REV1: variants seen among roughly 807,000 people sequenced by gnomAD.
REV1 encodes REV1 DNA directed polymerase.
In REV1, 42 loss-of-function variants were observed where a neutral mutation model predicts 137.4. The ratio of observed to expected loss-of-function variants is 0.31; its 90% CI spans 0.24 to 0.40. The LOEUF (loss-of-function observed/expected upper bound fraction) is 0.40. REV1 is among the 10% of genes least tolerant of loss of function. The probability of loss-of-function intolerance (pLI) is 1.00; values close to 1 mark genes in which losing one functional copy is unlikely to be tolerated. For synonymous variants in REV1, 524 were observed against 519.2 expected (o/e 1.01, Z -0.12); for missense variants, 1,282 against 1,490.1 (o/e 0.86, Z 2.30).
intron 6 of REV1, 107 bp from the exon 7 acceptor site, chr2:99,436,048 A>C: frequency 1.4e-6 from 1 of 698,910 alleles, no homozygotes; most frequent in Non-Finnish European, 2.5e-6. Flanking sequence ...TACACCCAGA[A>C]TGGAGTCTTT....
At chr2:99,404,349 A>C in intron 18 of REV1, 95 bp downstream of exon 18, 1 of 823,316 alleles carries the variant, frequency 1.2e-6, no homozygotes. Context: ...GTGGTGTCAG[A>C]TACAGAGGAG....
At chr2:99,416,853 C>T (rs1677931654) in intron 12 of REV1, among the ~76,000 whole-genome samples, 1 of 140,630 alleles carries the variant, frequency 7.1e-6, no homozygotes, top group African/African-American at 2.8e-5. Context: ...GCAGAGCTTG[C>T]AGTGAGCCGA....
chr2:99,417,514 C>T (rs1678064863), intron 12 of REV1, among the ~76,000 whole-genome samples: 1 of 152,148 alleles, frequency 6.6e-6, no homozygotes, highest in African/African-American at 2.4e-5. Context: ...TATTGATGAG[C>T]CTAATCCAAC....
chr2:99,413,830 A>G (rs1198870400), intron 12 of REV1, among the ~76,000 whole-genome samples: 2 of 152,218 alleles, frequency 1.3e-5, no homozygotes, highest in African/African-American at 2.4e-5. Flanking sequence ...TTTTCCATCA[A>G]TGAGGAAAAG....
intron 1 of REV1, among the ~76,000 whole-genome samples, chr2:99,469,933 A>G (rs1259411072): frequency 6.6e-6 from 1 of 152,076 alleles, no homozygotes; most frequent in African/African-American, 2.4e-5. Flanking sequence ...CATACTGGCT[A>G]AAACGGTGAA....
chr2:99,453,892 CAAAA>C (rs58291328), intron 3 of REV1, among the ~76,000 whole-genome samples: 3 of 48,032 alleles, frequency 6.2e-5, no homozygotes, highest in South Asian at 9.3e-4. Context: ...GGCTCTGTCT[CAAAA>C]AAAAAAAAAA....
intron 1 of REV1, among the ~76,000 whole-genome samples, chr2:99,474,355 A>G (rs753566466): frequency 6.6e-6 from 1 of 152,242 alleles, no homozygotes; most frequent in Non-Finnish European, 1.5e-5. Context: ...GTACAAAATC[A>G]TACTCATCTT....
intron 3 of REV1, among the ~76,000 whole-genome samples, chr2:99,450,114 TA>T (rs1682751363): frequency 6.6e-6 from 1 of 152,216 alleles, no homozygotes; most frequent in South Asian, 2.1e-4. Flanking sequence ...GGCCAAAAAA[TA>T]AAGTCCAGCA....
chr2:99,406,004 T>C lies in REV1; in HGVS notation c.2717A>G (p.Lys906Arg), dbSNP rs771049133. The C allele has an allele frequency of 6.2e-7, 1 of 1,614,106 alleles. No individual in the cohort carries two copies. The highest frequency in any genetic ancestry group is 2.2e-5 in the East Asian group (1 of 44,876). Reference protein sequence around the residue: ...AHLPTSPDTNKAESSGKWNGL... With the variant: ...AHLPTSPDTNRAESSGKWNGL... ...ATTCCATTTCCCTGAAGACTCAGCC[T>C]TGTTAGTATCAGGACTGGTCGGCAG... Residue 906 changes from lysine to arginine, a missense_variant, in exon 17 of 23, where the codon AAG (lysine) becomes AGG (arginine). By Grantham distance (26) the Lys-to-Arg change is conservative. This residue lies in a region of REV1 where 135 missense variants were observed against 123.3 expected (regional missense o/e 1.10). Transcript: ENST00000258428.
intron 5 of REV1, 84 bp downstream of exon 5, chr2:99,442,233 C>G (rs1383529819): frequency 5.6e-6 from 7 of 1,243,658 alleles, no homozygotes; most frequent in Non-Finnish European, 7.3e-6. Context: ...GCCTCGGCAA[C>G]AAGAGCAAAA....
rs145742001 is a variant in REV1, at chr2:99,436,411, C to G, written c.1214-470G>C. ...AGGTAGGTAATCGTATCATCTCCAT[C>G]TTGTAGACTAAAAGTTTAAGTCACA... On this transcript the variant is annotated intron_variant, in intron 6 of 22. Coordinates refer to ENST00000258428, the MANE Select transcript of REV1 (RefSeq NM_016316.4). 6.5e-4 allele frequency among the ~76,000 whole-genome samples: 99 copies of G among 152,266 alleles called. 1 individual carries two copies. In the East Asian group the frequency reaches 8.1e-3, roughly 12 times the overall value.
intron 13 of REV1, 46 bp downstream of exon 13, chr2:99,412,685 A>C (rs1677344220): frequency 7.1e-7 from 1 of 1,415,790 alleles, no homozygotes; most frequent in African/African-American, 1.4e-5. Context: ...GACTATGTAA[A>C]AATATAAAGA....
intron 4 of REV1, among the ~76,000 whole-genome samples, chr2:99,448,755 A>G (rs1320619748): frequency 6.6e-6 from 1 of 152,200 alleles, no homozygotes; most frequent in Non-Finnish European, 1.5e-5. Flanking sequence ...CTAGTCTTTA[A>G]GAGGTGCACA....
intron 1 of REV1, among the ~76,000 whole-genome samples, chr2:99,479,624 T>C (rs1575247618): frequency 6.6e-6 from 1 of 151,176 alleles, no homozygotes; most frequent in Non-Finnish European, 1.5e-5. Flanking sequence ...ACCTCATCTC[T>C]ACAAAAAAAA....
intron 14 of REV1, among the ~76,000 whole-genome samples, chr2:99,408,923 T>G (rs763650834): frequency 6.6e-6 from 1 of 152,218 alleles, no homozygotes; most frequent in African/African-American, 2.4e-5. Context: ...GAAAAAATTA[T>G]TATAAATTGA....
chr2:99,437,776 A>G (rs1680947424), intron 6 of REV1, among the ~76,000 whole-genome samples: 1 of 152,198 alleles, frequency 6.6e-6, no homozygotes, highest in Non-Finnish European at 1.5e-5. Context: ...TCTAGTATCT[A>G]TATTATTCTG....
chr2:99,426,398 T>A (rs867636757), intron 9 of REV1, among the ~76,000 whole-genome samples: 1 of 152,054 alleles, frequency 6.6e-6, no homozygotes. Flanking sequence ...CATGTTCTTA[T>A]ATTTACAATA....
At chr2:99,444,838 T>C (rs1431256323) in intron 4 of REV1, among the ~76,000 whole-genome samples, 1 of 152,214 alleles carries the variant, frequency 6.6e-6, no homozygotes, top group Non-Finnish European at 1.5e-5. Context: ...TTCTCACATT[T>C]ACTATTTCCC....
At chr2:99,470,134 AG>A (rs1318184797) in intron 1 of REV1, among the ~76,000 whole-genome samples, 1 of 152,036 alleles carries the variant, frequency 6.6e-6, no homozygotes, top group Admixed American at 6.6e-5. Flanking sequence ...AAAAAAAAAA[AG>A]ATATTTCATC....
Sources: gnomAD v4.1 joint callset for allele counts (sites outside exome capture counted in the v4.1 genomes callset) on GRCh38, gnomAD v4.1.1 for gene constraint, gnomAD v4.1.1 regional missense constraint, MANE v1.5 for transcripts, NCBI Gene and HGNC (gene_info 2026-07-23, HGNC 2026-07-21) for gene names.